Variants in BET1 observed in about 807,000 individuals in gnomAD.
BET1 encodes BET1 homolog.
A neutral mutation model predicts 13.9 loss-of-function variants in BET1; 9 were observed. That is an observed-to-expected ratio of 0.65 (90% confidence interval 0.39 to 1.13). The LOEUF (loss-of-function observed/expected upper bound fraction) is 1.13, where lower values mean the gene tolerates loss of function less well. Among genes scored for constraint, BET1 ranks in the 50% most tolerant of loss-of-function variants. BET1 has a pLI of 0.01. For synonymous variants in BET1, 39 were observed against 47.3 expected (o/e 0.82, Z 0.72); for missense variants, 127 against 133.6 (o/e 0.95, Z 0.24).
At chr7:93,992,112 C>A (rs1004119243), downstream of BET1, 96 of 985,280 alleles carry the variant, frequency 9.7e-5, no homozygotes, top group Non-Finnish European at 1.1e-4. Flanking sequence ...GAGTTCCCTG[C>A]CTGCCAGGAA....
intron 4 of BET1, among the ~76,000 whole-genome samples, chr7:93,978,462 A>G (rs1200998808): frequency 6.6e-6 from 1 of 152,066 alleles, no homozygotes; most frequent in Non-Finnish European, 1.5e-5. Flanking sequence ...TGCATTTCCT[A>G]TACAATATTG....
At chr7:94,003,790 T>A (rs1795966938) in intron 1 of BET1, among the ~76,000 whole-genome samples, 1 of 152,112 alleles carries the variant, frequency 6.6e-6, no homozygotes, top group Non-Finnish European at 1.5e-5. Flanking sequence ...GTGCTTTGGG[T>A]GCAACCACCC....
At chr7:93,996,503 A>C (rs574419307) in intron 2 of BET1, among the ~76,000 whole-genome samples, 182 bp from the exon 3 acceptor site, 1 of 151,890 alleles carries the variant, frequency 6.6e-6, no homozygotes, top group Non-Finnish European at 1.5e-5. Context: ...TGGAATTTCT[A>C]CTCCTCCCAA....
intron 1 of BET1, among the ~76,000 whole-genome samples, chr7:94,003,639 C>CTACT (rs1292272217): frequency 6.6e-6 from 1 of 152,192 alleles, no homozygotes; most frequent in Non-Finnish European, 1.5e-5. Flanking sequence ...TAACCACGTT[C>CTACT]TACTGCCTTA....
At chr7:93,986,429 T>C (rs1021285941) in intron 4 of BET1, among the ~76,000 whole-genome samples, 1 of 152,222 alleles carries the variant, frequency 6.6e-6, no homozygotes, top group African/African-American at 2.4e-5. Context: ...GATTCCCTTA[T>C]ATCAGCATAA....
At chr7:93,980,627 A>T (rs1795410343) in intron 4 of BET1, among the ~76,000 whole-genome samples, 1 of 152,192 alleles carries the variant, frequency 6.6e-6, no homozygotes, top group Non-Finnish European at 1.5e-5. Context: ...AACATAATAA[A>T]GGCCATACAT....
At chr7:93,996,230 T>G in intron 3 of BET1, 35 bp downstream of exon 3, 1 of 1,442,694 alleles carries the variant, frequency 6.9e-7, no homozygotes, top group South Asian at 1.2e-5. Flanking sequence ...GAATATTAGA[T>G]CAAATTTCTT....
intron 4 of BET1, among the ~76,000 whole-genome samples, chr7:93,982,693 A>G (rs1795448589): frequency 6.6e-6 from 1 of 152,076 alleles, no homozygotes. Flanking sequence ...TCTTAACTAG[A>G]TTATATCTCC....
At position 93,993,666 on chromosome 7, in the gene BET1, G is replaced by A; in HGVS notation, c.*564C>T. 10 of 1,319,888 alleles carry A rather than the reference G, an allele frequency of 7.6e-6. No homozygotes were observed. Among genetic ancestry groups the A allele is most frequent in the Non-Finnish European group, 8.6e-6 (9 of 1,040,626 alleles). 81.8% of individuals were successfully genotyped at this position (1,319,888 alleles called of 1,614,324 possible). ...GTTTTATTTAAAGAATGAGGTCTTT[G>A]GGCAGAAAGAAATGAGGGGTCATTA... On this transcript the variant is annotated 3_prime_UTR_variant, in exon 4 of 4. Transcript: ENST00000222547.
intron 1 of BET1, among the ~76,000 whole-genome samples, chr7:93,999,968 T>C (rs889800460): frequency 6.6e-6 from 1 of 152,198 alleles, no homozygotes; most frequent in Non-Finnish European, 1.5e-5. Flanking sequence ...GATAAGAATG[T>C]ACACCTCCCT....
At chr7:93,991,880 C>T (rs1411983460), downstream of BET1, 1 of 974,412 alleles carries the variant, frequency 1.0e-6, no homozygotes, top group Non-Finnish European at 1.2e-6. Flanking sequence ...TTTCAACATT[C>T]TCTCAAAGAA....
chr7:94,003,739 C>G lies in BET1; in HGVS notation c.19+459G>C, dbSNP rs548254545. ...TAACAATAATGACACATACATTTACCTTTGTAACTCACTGTTACCAGATTA... is the reference window on the plus strand; with the variant it reads ...TAACAATAATGACACATACATTTACGTTTGTAACTCACTGTTACCAGATTA... On this transcript the variant is annotated intron_variant, in intron 1 of 3. Transcript: ENST00000222547. 5.3e-5 allele frequency among the ~76,000 whole-genome samples: 8 copies of G among 152,240 alleles called. No individual in the cohort carries two copies. The South Asian group carries it at 1.4e-3, about 28-fold the overall frequency.
At chr7:93,994,664 T>C (rs1362093878) in intron 3 of BET1, among the ~76,000 whole-genome samples, 1 of 152,248 alleles carries the variant, frequency 6.6e-6, no homozygotes, top group Non-Finnish European at 1.5e-5. Flanking sequence ...TTAGGTGTTA[T>C]TCCAATTATG....
At chr7:93,988,371 A>C (rs1461986060), downstream of BET1, among the ~76,000 whole-genome samples, 1 of 152,206 alleles carries the variant, frequency 6.6e-6, no homozygotes, top group Non-Finnish European at 1.5e-5. Context: ...AGACGTTAAC[A>C]GTTTAAAATT....
In BET1 at chr7:93,993,662, C is replaced by A. The variant is rs113320403; in HGVS notation, c.*568G>T. The A allele has an allele frequency of 3.2e-4, 418 of 1,317,324 alleles. No individual in the cohort carries two copies. The African/African-American group carries it at 5.8e-3, about 18-fold the overall frequency. The allele number at this position is 1,317,324 out of a possible 1,614,324, so 81.6% of individuals were successfully genotyped here. On this transcript the variant is annotated 3_prime_UTR_variant, in exon 4 of 4. Transcript: ENST00000222547. ...ACAAGTTTTATTTAAAGAATGAGGTCTTTGGGCAGAAAGAAATGAGGGGTC... is the reference window on the plus strand; with the variant it reads ...ACAAGTTTTATTTAAAGAATGAGGTATTTGGGCAGAAAGAAATGAGGGGTC...
chr7:93,982,121 G>C (rs772358749), intron 4 of BET1, among the ~76,000 whole-genome samples: 19 of 151,980 alleles, frequency 1.3e-4, no homozygotes, highest in Non-Finnish European at 2.1e-4. Context: ...ATCTGCTAAA[G>C]GCAGGATTTT....
chr7:94,002,458 T>TAAA (rs79526205), intron 1 of BET1, among the ~76,000 whole-genome samples: 3 of 128,074 alleles, frequency 2.3e-5, no homozygotes, highest in Admixed American at 2.3e-4. Context: ...AGCTTTTTTT[T>TAAA]AAAAAAAAAA....
chr7:93,965,673 T>C (rs2116009455), exon 7 of BET1: 1 of 152,190 alleles, frequency 6.6e-6, no homozygotes, highest in Middle Eastern at 3.4e-3. Context: ...AACTAGGAGT[T>C]CTCTGCATTA....
At chr7:93,999,091 CA>C in intron 2 of BET1, 78 bp downstream of exon 2, 1 of 1,102,862 alleles carries the variant, frequency 9.1e-7, no homozygotes, top group Non-Finnish European at 1.2e-6. Context: ...AGGATGACGT[CA>C]ATAAGAATAT....
Sources: gnomAD v4.1 joint callset for allele counts (sites outside exome capture counted in the v4.1 genomes callset) on GRCh38, gnomAD v4.1.1 for gene constraint, MANE v1.5 for transcripts, NCBI Gene and HGNC (gene_info 2026-07-23, HGNC 2026-07-21) for gene names.